The following LARP7 variants were observed in gnomAD, a reference collection of about 807,000 sequenced individuals.
LARP7 encodes the protein La ribonucleoprotein 7, transcriptional regulator.
LARP7 carries 52 observed loss-of-function variants against 69.3 expected under a neutral mutation model. That is an observed-to-expected ratio of 0.75 (90% CI 0.60 to 0.95). LARP7 has a LOEUF of 0.95. Ranked by LOEUF, LARP7 falls within the 40% of genes least tolerant of loss-of-function variation. The probability of loss-of-function intolerance (pLI) is 0.00; values close to 1 mark genes in which losing one functional copy is unlikely to be tolerated. For missense variants in LARP7, 733 were observed against 673.0 expected, an observed-to-expected ratio of 1.09 and a Z score of -0.99; for synonymous variants, 254 against 215.9, an observed-to-expected ratio of 1.18 and a Z score of -1.55.
chr4:112,651,997 G>T (rs1248956171), intron 10 of LARP7, among the ~76,000 whole-genome samples: 2 of 144,096 alleles, frequency 1.4e-5, no homozygotes, highest in African/African-American at 5.1e-5. Flanking sequence ...AGTCTCTGCA[G>T]TTTTTTTTTT....
At position 112,646,669 on chromosome 4, in the gene LARP7, G is replaced by T; in HGVS notation, c.385G>T (p.Val129Leu). ...PKDEDERTVY[V>L]ELLPKNVNHS... ...GGATGAGGATGAACGCACAGTGTATGTGGTAAGCTTAAGAACCCGGGTCCC... is the reference window on the plus strand; with the variant it reads ...GGATGAGGATGAACGCACAGTGTATTTGGTAAGCTTAAGAACCCGGGTCCC... The change falls in exon 4 of 13, where the codon GTG (valine) becomes TTG (leucine). Residue 129 changes from valine to leucine, a missense_variant and splice_region_variant. Physicochemically the swap from Val to Leu is conservative, Grantham distance 32 (BLOSUM62 1). Transcript: ENST00000344442. 6.3e-7 allele frequency: 1 copy of T among 1,596,994 alleles called. No homozygotes were observed. Among genetic ancestry groups the T allele is most frequent in the Non-Finnish European group, 8.5e-7 (1 of 1,173,730 alleles).
At chr4:112,652,267 G>A (rs1177984394) in intron 10 of LARP7, among the ~76,000 whole-genome samples, 2 of 143,750 alleles carry the variant, frequency 1.4e-5, no homozygotes, top group African/African-American at 2.6e-5. Flanking sequence ...AGGTCAAAAC[G>A]AAAGGGAGGC....
chr4:112,652,814 A>G (rs1264027763), intron 10 of LARP7, among the ~76,000 whole-genome samples: 3 of 151,192 alleles, frequency 2.0e-5, no homozygotes, highest in Admixed American at 6.6e-5. Context: ...TGTTGTCCTT[A>G]TAGAATATTC....
At position 112,646,333 on chromosome 4, in the gene LARP7, CTTTTTCAT is replaced by C; in HGVS notation, c.203-14_203-7del. On this transcript the variant is annotated splice_polypyrimidine_tract_variant and intron_variant, in intron 2 of 12. Transcript: ENST00000344442. ...TCCTGCTGATACACTAACATATTAA[CTTTTTCAT>C]TTTCTTTAGATGTTGATATATCACT... 1 of 1,250,620 alleles carries C rather than the reference CTTTTTCAT, an allele frequency of 8.0e-7. No individual in the cohort carries two copies. Among genetic ancestry groups the C allele is most frequent in the Non-Finnish European group, 1.2e-6 (1 of 862,996 alleles). 77.5% of individuals were successfully genotyped at this position (1,250,620 alleles called of 1,614,324 possible).
In LARP7 at chr4:112,654,091, CAGA is replaced by C. The variant is rs2149286487; in HGVS notation, c.1604_1606del (p.Lys535del). The C allele has an allele frequency of 1.9e-6, 3 of 1,613,606 alleles. No homozygotes were observed. Among genetic ancestry groups the C allele is most frequent in the Non-Finnish European group, 1.7e-6 (2 of 1,179,626 alleles). On this transcript the variant is annotated inframe_deletion, in exon 12 of 13. Coordinates refer to ENST00000344442, the MANE Select transcript of LARP7 (RefSeq NM_016648.4). ...AGGTGATCACGAACAAAGGTATTGG[CAGA>C]AGATTTTGGTTGATAGACAGGCAAA...
chr4:112,648,644 ATTTT>A, intron 8 of LARP7: 1 of 421,284 alleles, frequency 2.4e-6, no homozygotes, highest in Non-Finnish European at 5.0e-6. Flanking sequence ...GAAGAAAAAA[ATTTT>A]TTTACCTTCC....
chr4:112,649,490 C>T, intron 8 of LARP7, 45 bp from the exon 9 acceptor site: 1 of 1,469,838 alleles, frequency 6.8e-7, no homozygotes, highest in Non-Finnish European at 9.1e-7. Flanking sequence ...TCCCTATTTA[C>T]TTTTTATATT....
At chr4:112,638,797 C>T (rs2047830060) in intron 1 of LARP7, among the ~76,000 whole-genome samples, 1 of 152,198 alleles carries the variant, frequency 6.6e-6, no homozygotes. Flanking sequence ...TTAAGCAACC[C>T]ATGACTGTGC....
At chr4:112,650,858 AT>A (rs1001980002) in intron 10 of LARP7, among the ~76,000 whole-genome samples, 4 of 152,006 alleles carry the variant, frequency 2.6e-5, no homozygotes, top group East Asian at 1.9e-4. Flanking sequence ...ATTGGCACTG[AT>A]TTTTTTTGTA....
chr4:112,652,355 G>C (rs1043945676), intron 10 of LARP7, among the ~76,000 whole-genome samples: 3 of 137,062 alleles, frequency 2.2e-5, no homozygotes, highest in Admixed American at 8.2e-5. Flanking sequence ...GGAAGTTGAT[G>C]AATTAGGAAT....
At position 112,644,723 on chromosome 4, in the gene LARP7, AAAG is replaced by A. The variant is rs758915328; in HGVS notation, c.57_59del (p.Lys21del). ...AGGTAATGGAAGAAGAAAGCACTGA[AAAG>A]AAAAAAGAAGTTGAAAAAAAGAAAC... On this transcript the variant is annotated inframe_deletion, in exon 2 of 13. Transcript: ENST00000344442. The A allele has an allele frequency of 1.7e-5, 28 of 1,611,312 alleles. No homozygotes were observed. In the Middle Eastern group the frequency reaches 8.2e-4, roughly 47 times the overall value.
At chr4:112,645,557 A>G (rs751750169) in intron 2 of LARP7, 1 of 456,108 alleles carries the variant, frequency 2.2e-6, no homozygotes, top group East Asian at 7.0e-5. Context: ...CTAGGCAGGA[A>G]TGCACTGGCT....
At chr4:112,648,246 T>C (rs1462342391) in intron 8 of LARP7, 1 of 531,308 alleles carries the variant, frequency 1.9e-6, no homozygotes, top group Admixed American at 1.9e-5. Flanking sequence ...CACGTTTAAG[T>C]GGTGGGGAGC....
At chr4:112,653,257 C>T in intron 11 of LARP7, 21 bp downstream of exon 11, 2 of 1,545,664 alleles carry the variant, frequency 1.3e-6, no homozygotes, top group Non-Finnish European at 1.7e-6. Context: ...ATAGACGTTT[C>T]CTTTTTTTTT....
At chr4:112,643,055 C>G (rs77398522) in intron 1 of LARP7, among the ~76,000 whole-genome samples, 4,261 of 152,306 alleles carry the variant, frequency 0.028, 97 homozygotes, top group Middle Eastern at 0.095. Flanking sequence ...AATCGAGGCA[C>G]AATTTATTCA....
At chr4:112,653,771 G>A (rs2048852275) in intron 11 of LARP7, among the ~76,000 whole-genome samples, 2 of 152,180 alleles carry the variant, frequency 1.3e-5, no homozygotes, top group Admixed American at 6.5e-5. Context: ...TTACAGACAT[G>A]AGCCACTGCA....
chr4:112,657,294 G>A lies in LARP7; in HGVS notation c.1716G>A (p.Ala572=), dbSNP rs763919425. ...TTAGACTGGCAAAGACTCAACAAGCGAGTAAACATATAAGATTTTCTGAAT... is the reference window on the plus strand; with the variant it reads ...TTAGACTGGCAAAGACTCAACAAGCAAGTAAACATATAAGATTTTCTGAAT... ...EKIRLAKTQQ[A]SKHIRFSEYD The change falls in exon 13 of 13, where the codon GCG becomes GCA. Residue 572 remains alanine (A), a synonymous_variant. Coordinates refer to ENST00000344442, the MANE Select transcript of LARP7 (RefSeq NM_016648.4). 6.3e-5 allele frequency: 100 copies of A among 1,584,242 alleles called. No individual in the cohort carries two copies. The highest frequency in any genetic ancestry group is 7.7e-5 in the Non-Finnish European group (90 of 1,164,546).
At chr4:112,637,519 G>A (rs973823389) in intron 1 of LARP7, 7 of 152,308 alleles carry the variant, frequency 4.6e-5, no homozygotes, top group African/African-American at 1.4e-4. Flanking sequence ...CGGAAGTACG[G>A]GTGCCGAGAG....
At chr4:112,646,718 A>C (rs773580941) in intron 4 of LARP7, 47 bp downstream of exon 4, 6 of 1,552,556 alleles carry the variant, frequency 3.9e-6, no homozygotes, top group Non-Finnish European at 3.5e-6. Flanking sequence ...GCACAGAAAC[A>C]ATATAATTAA....
Sources: allele counts gnomAD v4.1 joint callset (sites outside exome capture counted in the v4.1 genomes callset), GRCh38; gene constraint gnomAD v4.1.1; transcripts MANE v1.5; gene names NCBI Gene and HGNC (gene_info 2026-07-23, HGNC 2026-07-21).